Variants in STPG2 observed in about 807,000 individuals in gnomAD.
STPG2 encodes sperm tail PG-rich repeat containing 2.
In STPG2, 56 loss-of-function variants were observed where a neutral mutation model predicts 54.2. The observed-to-expected ratio is 1.03, with a 90% CI of 0.83 to 1.29. The LOEUF is 1.29. Ranked by LOEUF, STPG2 falls within the 50% of genes most tolerant of loss-of-function variation. The probability of loss-of-function intolerance (pLI) is 0.00; values close to 1 mark genes in which losing one functional copy is unlikely to be tolerated. For synonymous variants in STPG2, 200 were observed against 181.8 expected (o/e 1.10, Z -0.81); for missense variants, 596 against 544.9 (o/e 1.09, Z -0.93).
At chr4:97,797,599 A>T (rs1727239578) in intron 9 of STPG2, among the ~76,000 whole-genome samples, 2 of 152,180 alleles carry the variant, frequency 1.3e-5, no homozygotes, top group African/African-American at 4.8e-5. Context: ...CCAGTGTATT[A>T]TTCATGATTT....
intron 8 of STPG2, among the ~76,000 whole-genome samples, chr4:97,903,960 G>A (rs1731285778): frequency 6.6e-6 from 1 of 152,172 alleles, no homozygotes; most frequent in Non-Finnish European, 1.5e-5. Flanking sequence ...CGCCCACAGA[G>A]TCTCGCTGAT....
At chr4:97,510,457 A>G (rs533503265) in intron 4 of STPG2, among the ~76,000 whole-genome samples, 23 of 151,966 alleles carry the variant, frequency 1.5e-4, no homozygotes, top group Admixed American at 3.9e-4. Flanking sequence ...AGATAACTGC[A>G]AATCATTGAT....
At chr4:98,128,297 C>A in intron 3 of STPG2, 131 bp downstream of exon 3, 1 of 839,462 alleles carries the variant, frequency 1.2e-6, no homozygotes. Flanking sequence ...TATTTGTTAC[C>A]ACAATTAGTG....
intron 7 of STPG2, among the ~76,000 whole-genome samples, chr4:97,967,185 C>CAAAAAA (rs58042990): frequency 2.8e-5 from 3 of 107,164 alleles, no homozygotes; most frequent in African/African-American, 3.6e-5. Context: ...AAATGGTAAG[C>CAAAAAA]AAAAAAAAAA....
At chr4:97,562,148 G>T (rs987650953) in intron 10 of STPG2, among the ~76,000 whole-genome samples, 1 of 152,024 alleles carries the variant, frequency 6.6e-6, no homozygotes, top group African/African-American at 2.4e-5. Context: ...CCTTGAAGAG[G>T]TCCTTCACGT....
At chr4:97,721,543 A>C (rs1466503344) in intron 9 of STPG2, among the ~76,000 whole-genome samples, 1 of 152,148 alleles carries the variant, frequency 6.6e-6, no homozygotes, top group Non-Finnish European at 1.5e-5. Context: ...AAGTAGACTC[A>C]AAAGGTCTTC....
chr4:97,917,763 A>G (rs756348096), intron 8 of STPG2, among the ~76,000 whole-genome samples: 5 of 152,222 alleles, frequency 3.3e-5, no homozygotes, highest in African/African-American at 7.2e-5. Flanking sequence ...TACAATGTCA[A>G]AGAAAACCCA....
intron 9 of STPG2, among the ~76,000 whole-genome samples, chr4:97,726,229 A>G (rs1724621598): frequency 6.6e-6 from 1 of 151,964 alleles, no homozygotes; most frequent in African/African-American, 2.4e-5. Context: ...TTGTACTCAT[A>G]TGAGGTGGCT....
intron 9 of STPG2, among the ~76,000 whole-genome samples, chr4:97,741,582 A>G (rs1224892235): frequency 1.3e-5 from 2 of 152,214 alleles, no homozygotes; most frequent in Non-Finnish European, 2.9e-5. Flanking sequence ...TCAAAGGTAG[A>G]CATGTATGCA....
At chr4:97,473,964 G>C (rs1730009176) in intron 4 of STPG2, among the ~76,000 whole-genome samples, 1 of 151,752 alleles carries the variant, frequency 6.6e-6, no homozygotes, top group African/African-American at 2.4e-5. Context: ...GGAGAATAGA[G>C]GGTTTTTTTT....
intron 8 of STPG2, among the ~76,000 whole-genome samples, chr4:97,902,535 T>C (rs1335120441): frequency 1.3e-5 from 2 of 152,122 alleles, no homozygotes; most frequent in African/African-American, 2.4e-5. Flanking sequence ...CCAATAGATA[T>C]ATGAACTAAT....
At chr4:97,743,036 T>C (rs1412535668) in intron 9 of STPG2, among the ~76,000 whole-genome samples, 2 of 151,496 alleles carry the variant, frequency 1.3e-5, no homozygotes, top group Non-Finnish European at 3.0e-5. Context: ...ATAATAGAAA[T>C]ATATTAAAAG....
At chr4:97,674,129 A>G (rs895780800) in intron 10 of STPG2, among the ~76,000 whole-genome samples, 6 of 152,208 alleles carry the variant, frequency 3.9e-5, no homozygotes, top group African/African-American at 1.4e-4. Context: ...CTTACCATTC[A>G]AGCCTTCTTT....
chr4:97,533,678 A>T (rs1731465776), intron 4 of STPG2, among the ~76,000 whole-genome samples: 1 of 152,040 alleles, frequency 6.6e-6, no homozygotes, highest in South Asian at 2.1e-4. Context: ...ATTATGTCAA[A>T]TTTTTGAGAT....
At chr4:97,545,450 A>T (rs1245749830) in intron 4 of STPG2, among the ~76,000 whole-genome samples, 2 of 152,134 alleles carry the variant, frequency 1.3e-5, no homozygotes, top group Non-Finnish European at 2.9e-5. Flanking sequence ...ATGAATAAAA[A>T]TGTTAAGCAA....
At chr4:97,828,421 T>A (rs901656483) in intron 9 of STPG2, among the ~76,000 whole-genome samples, 3 of 152,138 alleles carry the variant, frequency 2.0e-5, no homozygotes, top group Non-Finnish European at 4.4e-5. Context: ...CCAGTGCCTA[T>A]GCCATCAGGG....
In STPG2 at chr4:97,558,970, C is replaced by T. The variant is rs1327480409; in HGVS notation, c.*88G>A. On this transcript the variant is annotated 3_prime_UTR_variant, in exon 11 of 11. Coordinates refer to ENST00000295268, the MANE Select transcript of STPG2 (RefSeq NM_174952.3). The stretch of plus-strand genomic sequence containing the variant: ...AGTGAAAATTATGCTTTTATTACTC[C>T]TATATTTGGAATAAATTTTGTTAAA... 1.2e-5 allele frequency: 13 copies of T among 1,081,118 alleles called. No homozygotes were observed. The highest frequency in any genetic ancestry group is 1.8e-5 in the Non-Finnish European group (13 of 718,170). 67.0% of individuals were successfully genotyped at this position (1,081,118 alleles called of 1,614,324 possible).
At chr4:97,908,621 T>G (rs1219713456) in intron 8 of STPG2, among the ~76,000 whole-genome samples, 1 of 151,756 alleles carries the variant, frequency 6.6e-6, no homozygotes, top group East Asian at 1.9e-4. Flanking sequence ...AACCCAAATG[T>G]CCAACAATGA....
intron 9 of STPG2, among the ~76,000 whole-genome samples, chr4:97,788,087 A>G (rs1410787801): frequency 1.3e-5 from 2 of 151,948 alleles, no homozygotes; most frequent in African/African-American, 4.8e-5. Context: ...AAACAATCCA[A>G]TTAGACTCTT....
Sources: gnomAD v4.1 joint callset for allele counts (sites outside exome capture counted in the v4.1 genomes callset) on GRCh38, gnomAD v4.1.1 for gene constraint, MANE v1.5 for transcripts, NCBI Gene and HGNC (gene_info 2026-07-23, HGNC 2026-07-21) for gene names.